Variants in NDST4 observed in about 807,000 individuals in gnomAD.
The protein encoded by NDST4 is N-heparan sulfate sulfotransferase 4.
In NDST4, 63 loss-of-function variants were observed where a neutral mutation model predicts 100.8. The observed-to-expected ratio is 0.62, with a 90% confidence interval of 0.51 to 0.77. The LOEUF is 0.77. Among genes scored for constraint, NDST4 ranks in the 30% least tolerant of loss-of-function variants. NDST4 has a pLI of 0.00. For missense variants in NDST4, 943 were observed against 1,018.4 expected (o/e 0.93, Z 1.01); for synonymous variants, 377 against 361.8 (o/e 1.04, Z -0.48).
chr4:114,921,510 A>G (rs770783427), intron 6 of NDST4, among the ~76,000 whole-genome samples: 19 of 152,236 alleles, frequency 1.2e-4, no homozygotes, highest in Non-Finnish European at 2.4e-4. Flanking sequence ...ATATCATTTG[A>G]TGATAAAAAT....
chr4:114,885,786 G>A (rs534994677), intron 6 of NDST4, among the ~76,000 whole-genome samples: 4 of 151,786 alleles, frequency 2.6e-5, no homozygotes, highest in South Asian at 2.1e-4. Context: ...TCTTCCACTA[G>A]CTGTGAGCAT....
At chr4:114,882,666 A>T (rs1724395413) in intron 6 of NDST4, among the ~76,000 whole-genome samples, 2 of 152,116 alleles carry the variant, frequency 1.3e-5, no homozygotes, top group Admixed American at 1.3e-4. Flanking sequence ...GTAATGCCAG[A>T]ATAGGAAAAA....
intron 6 of NDST4, among the ~76,000 whole-genome samples, chr4:114,922,179 T>C (rs1223366622): frequency 2.6e-5 from 4 of 152,132 alleles, no homozygotes; most frequent in African/African-American, 9.7e-5. Context: ...ATCAAAACCC[T>C]TGAAACTGGT....
At chr4:114,855,515 G>A (rs1723774667) in intron 7 of NDST4, among the ~76,000 whole-genome samples, 2 of 152,058 alleles carry the variant, frequency 1.3e-5, no homozygotes, top group South Asian at 4.1e-4. Flanking sequence ...TTCCAGTACT[G>A]GTTACTGAAG....
intron 4 of NDST4, among the ~76,000 whole-genome samples, chr4:114,966,697 A>C (rs1383451347): frequency 6.6e-6 from 1 of 152,092 alleles, no homozygotes; most frequent in African/African-American, 2.4e-5. Context: ...TTGTTCATTT[A>C]GTTTGAAAAT....
chr4:114,900,218 CT>C (rs138546049), intron 6 of NDST4, among the ~76,000 whole-genome samples: 1,514 of 151,324 alleles, frequency 0.01, 20 homozygotes, highest in Middle Eastern at 0.034. Context: ...TGAATCCTCT[CT>C]TTTTTTTTCT....
intron 4 of NDST4, among the ~76,000 whole-genome samples, chr4:114,954,673 T>C (rs1328410964): frequency 2.6e-5 from 4 of 152,184 alleles, no homozygotes; most frequent in African/African-American, 4.8e-5. Context: ...GCTTTTATAA[T>C]TTGTTCTTAA....
intron 6 of NDST4, among the ~76,000 whole-genome samples, chr4:114,915,353 T>C (rs1009955310): frequency 6.6e-6 from 1 of 152,176 alleles, no homozygotes; most frequent in Non-Finnish European, 1.5e-5. Flanking sequence ...AGTTCACTAT[T>C]ATCCCCCCAC....
chr4:114,957,951 C>T (rs992171701), intron 4 of NDST4, among the ~76,000 whole-genome samples: 1 of 152,210 alleles, frequency 6.6e-6, no homozygotes, highest in Non-Finnish European at 1.5e-5. Flanking sequence ...GGTAGAGCCC[C>T]CTTCCTGGCT....
chr4:115,100,679 A>G (rs902321367), intron 1 of NDST4, among the ~76,000 whole-genome samples: 6 of 152,066 alleles, frequency 3.9e-5, no homozygotes, highest in Admixed American at 1.3e-4. Flanking sequence ...AGTCTGATTC[A>G]TAAGACAAAA....
At chr4:115,040,824 C>A (rs990024042) in intron 2 of NDST4, among the ~76,000 whole-genome samples, 1 of 151,792 alleles carries the variant, frequency 6.6e-6, no homozygotes, top group Non-Finnish European at 1.5e-5. Context: ...TAGAATACAA[C>A]GTCTGCAATA....
At chr4:114,841,898 T>G (rs967563682) in intron 10 of NDST4, among the ~76,000 whole-genome samples, 2 of 152,238 alleles carry the variant, frequency 1.3e-5, no homozygotes, top group African/African-American at 4.8e-5. Context: ...CACATTTTTC[T>G]ATACATCAGT....
intron 2 of NDST4, among the ~76,000 whole-genome samples, chr4:114,988,684 C>A (rs948540451): frequency 6.6e-6 from 1 of 151,878 alleles, no homozygotes; most frequent in Non-Finnish European, 1.5e-5. Flanking sequence ...AAATGTGTAC[C>A]CCCAAAACCA....
intron 2 of NDST4, among the ~76,000 whole-genome samples, chr4:115,039,103 G>C (rs543046719): frequency 6.6e-6 from 1 of 152,122 alleles, no homozygotes; most frequent in Non-Finnish European, 1.5e-5. Context: ...AAACAATCCG[G>C]TGAGCAGGCA....
At chr4:114,866,617 G>A (rs1056901109) in intron 7 of NDST4, among the ~76,000 whole-genome samples, 2 of 152,206 alleles carry the variant, frequency 1.3e-5, no homozygotes, top group East Asian at 1.9e-4. Context: ...GTTCCAGGGT[G>A]CAAATATGAA....
chr4:114,829,621 T>G (rs1341792956), intron 13 of NDST4, among the ~76,000 whole-genome samples, 169 bp downstream of exon 13: 1 of 150,974 alleles, frequency 6.6e-6, no homozygotes, highest in African/African-American at 2.5e-5. Context: ...CCGATCTCTA[T>G]CTATCTATCA....
chr4:115,021,357 C>CAT (rs544429998), intron 2 of NDST4, among the ~76,000 whole-genome samples: 2 of 146,446 alleles, frequency 1.4e-5, no homozygotes, highest in African/African-American at 5.4e-5. Context: ...ATACATATTC[C>CAT]ATATATACAT....
At chr4:115,027,154 C>T (rs1332469927) in intron 2 of NDST4, among the ~76,000 whole-genome samples, 5 of 152,082 alleles carry the variant, frequency 3.3e-5, no homozygotes, top group Admixed American at 6.6e-5. Flanking sequence ...ATGCTTTGTA[C>T]GTAAGTTATT....
At chr4:115,020,668 A>G (rs1727789957) in intron 2 of NDST4, among the ~76,000 whole-genome samples, 1 of 152,132 alleles carries the variant, frequency 6.6e-6, no homozygotes, top group African/African-American at 2.4e-5. Flanking sequence ...TATACATCTG[A>G]AAAAGGACTA....
Sources: gnomAD v4.1 joint callset for allele counts (sites outside exome capture counted in the v4.1 genomes callset) on GRCh38, gnomAD v4.1.1 for gene constraint, MANE v1.5 for transcripts, NCBI Gene and HGNC (gene_info 2026-07-23, HGNC 2026-07-21) for gene names.